The following PLCB1 variants were observed in gnomAD, a reference collection of about 807,000 sequenced individuals.
PLCB1 encodes 1-phosphatidylinositol 4,5-bisphosphate phosphodiesterase beta-1.
PLCB1 carries 46 observed loss-of-function variants against 161.8 expected under a neutral mutation model. That is an observed-to-expected ratio of 0.28 (90% CI 0.22 to 0.36). The LOEUF is 0.36. PLCB1 is among the 10% of genes least tolerant of loss of function. PLCB1 has a pLI of 1.00. For synonymous variants in PLCB1, 517 were observed against 503.7 expected (o/e 1.03, Z -0.35); for missense variants, 1,016 against 1,472.5 (o/e 0.69, Z 5.07).
At chr20:8,834,449 A>G (rs1986179075) in intron 31 of PLCB1, among the ~76,000 whole-genome samples, 1 of 152,036 alleles carries the variant, frequency 6.6e-6, no homozygotes, top group African/African-American at 2.4e-5. Flanking sequence ...TTGCAAGGGA[A>G]TTGGTTCATG....
At chr20:8,705,523 T>C (rs935941809) in intron 11 of PLCB1, among the ~76,000 whole-genome samples, 1 of 152,192 alleles carries the variant, frequency 6.6e-6, no homozygotes, top group African/African-American at 2.4e-5. Context: ...AAACATGCCC[T>C]TTAAAGCAAT....
At chr20:8,571,288 C>T (rs1986504227) in intron 3 of PLCB1, among the ~76,000 whole-genome samples, 2 of 152,102 alleles carry the variant, frequency 1.3e-5, no homozygotes, top group Admixed American at 1.3e-4. Context: ...TCAAGACCAA[C>T]CTAGCCAACA....
At chr20:8,751,235 C>T (rs946512842) in intron 23 of PLCB1, 4 of 186,066 alleles carry the variant, frequency 2.1e-5, no homozygotes, top group Middle Eastern at 2.3e-3. Flanking sequence ...TGAGCCACCG[C>T]GCCCGGCCGG....
chr20:8,796,937 G>C (rs1292327751), intron 31 of PLCB1, among the ~76,000 whole-genome samples: 2 of 152,120 alleles, frequency 1.3e-5, no homozygotes, highest in African/African-American at 4.8e-5. Context: ...TCATCATCTT[G>C]TACTTCCTCT....
intron 31 of PLCB1, among the ~76,000 whole-genome samples, chr20:8,819,209 C>A (rs6056157): frequency 6.6e-6 from 1 of 152,036 alleles, no homozygotes. Flanking sequence ...TATGAATAAG[C>A]GCACACTGAT....
chr20:8,740,969 C>T (rs1197872513), intron 22 of PLCB1, among the ~76,000 whole-genome samples: 2 of 152,224 alleles, frequency 1.3e-5, no homozygotes. Flanking sequence ...CAGCTAGGCA[C>T]TGCCCTTCAA....
intron 31 of PLCB1, among the ~76,000 whole-genome samples, chr20:8,807,456 TA>T (rs1471090856): frequency 2.0e-5 from 3 of 152,204 alleles, no homozygotes; most frequent in Non-Finnish European, 1.5e-5. Flanking sequence ...TGCTCACATT[TA>T]GTATTTTACT....
intron 4 of PLCB1, among the ~76,000 whole-genome samples, chr20:8,644,705 G>C (rs1474424339): frequency 6.6e-6 from 1 of 150,600 alleles, no homozygotes; most frequent in African/African-American, 2.4e-5. Flanking sequence ...GAGGGAGGTG[G>C]GGGGGTCAGC....
chr20:8,836,078 G>A, intron 31 of PLCB1, among the ~76,000 whole-genome samples: 1 of 151,958 alleles, frequency 6.6e-6, no homozygotes, highest in East Asian at 2.0e-4. Context: ...CAGCAGGAGT[G>A]ACGGGGCCCT....
chr20:8,846,065 C>T (rs139156911), intron 31 of PLCB1, among the ~76,000 whole-genome samples: 110 of 152,148 alleles, frequency 7.2e-4, no homozygotes, highest in African/African-American at 2.4e-3. Context: ...CCTGAGAGTG[C>T]GTAATTAATA....
rs150009569 is a variant in PLCB1 at position 8,390,241 on chromosome 20, G to T, written c.246+18791G>T. On this transcript the variant is annotated intron_variant, in intron 3 of 31. Coordinates refer to ENST00000338037, the MANE Select transcript of PLCB1 (RefSeq NM_015192.4). The stretch of plus-strand genomic sequence containing the variant: ...AGTGCCAGCAGGGTTATTTTCTTTG[G>T]AGGCCTTTCTCCTCGGCTTACAGAT... Among the ~76,000 whole-genome samples, 434 of 152,196 alleles carry T rather than the reference G, an allele frequency of 2.9e-3. 3 individuals carry two copies. Among genetic ancestry groups the T allele is most frequent in the African/African-American group, 9.9e-3 (411 of 41,540 alleles).
At chr20:8,750,721 G>A (rs1247611728) in intron 23 of PLCB1, 6 of 495,786 alleles carry the variant, frequency 1.2e-5, no homozygotes, top group Non-Finnish European at 2.2e-5. Context: ...GGTACAAATT[G>A]TGCTCATGTT....
chr20:8,395,414 C>A (rs1436341767), intron 3 of PLCB1, among the ~76,000 whole-genome samples: 1 of 151,908 alleles, frequency 6.6e-6, no homozygotes, highest in Admixed American at 6.6e-5. Flanking sequence ...AATTTAAGAT[C>A]TCTTATATTA....
At chr20:8,520,392 A>C (rs1045099441) in intron 3 of PLCB1, among the ~76,000 whole-genome samples, 1 of 152,160 alleles carries the variant, frequency 6.6e-6, no homozygotes, top group African/African-American at 2.4e-5. Context: ...TCTATATACC[A>C]AACTTTCATT....
At chr20:8,708,896 G>T in intron 12 of PLCB1, 144 bp downstream of exon 12, 1 of 595,680 alleles carries the variant, frequency 1.7e-6, no homozygotes, top group Non-Finnish European at 3.0e-6. Context: ...TTCATTTGTA[G>T]GTGATGGAAT....
At chr20:8,757,248 C>T (rs745918696) in intron 24 of PLCB1, 70 bp downstream of exon 24, 126 of 1,479,356 alleles carry the variant, frequency 8.5e-5, no homozygotes, top group Non-Finnish European at 1.1e-4. Context: ...CTGACGGAGG[C>T]GCTGTGATGT....
intron 2 of PLCB1, among the ~76,000 whole-genome samples, chr20:8,320,319 A>G (rs1984854309): frequency 6.6e-6 from 1 of 152,220 alleles, no homozygotes. Context: ...ACTATTTGTT[A>G]CATGCCAGAC....
rs1275418329 is a variant in PLCB1 at position 8,582,900 on chromosome 20, G to A, written c.247-45394G>A. Among the ~76,000 whole-genome samples the A allele has an allele frequency of 2.0e-5, 3 of 150,546 alleles. No homozygotes were observed. The South Asian group carries it at 6.2e-4, about 31-fold the overall frequency. ...GCTACTTGGGAAGCAGAAGCAGGAG[G>A]ATTGCTTGAATCCAGGAGGTGGAAG... On this transcript the variant is annotated intron_variant, in intron 3 of 31. Coordinates refer to ENST00000338037, the MANE Select transcript of PLCB1 (RefSeq NM_015192.4).
chr20:8,225,502 A>T (rs1308489666), intron 2 of PLCB1, among the ~76,000 whole-genome samples: 1 of 152,220 alleles, frequency 6.6e-6, no homozygotes, highest in Non-Finnish European at 1.5e-5. Context: ...AGAATTCGAG[A>T]TAATCTTATA....
Sources: gnomAD v4.1 joint callset for allele counts (sites outside exome capture counted in the v4.1 genomes callset) on GRCh38, gnomAD v4.1.1 for gene constraint, MANE v1.5 for transcripts, NCBI Gene and HGNC (gene_info 2026-07-23, HGNC 2026-07-21) for gene names.